Variants in CCDC149 observed in about 807,000 individuals in gnomAD.
CCDC149 encodes the protein coiled-coil domain containing 149, also known as coiled-coil domain-containing protein 149.
Under a neutral mutation model 59.9 loss-of-function variants are expected in CCDC149, and 45 were observed. That is an observed-to-expected ratio of 0.75 (90% CI 0.59 to 0.96). The LOEUF is 0.96. CCDC149 is among the 40% of genes least tolerant of loss of function. The probability of loss-of-function intolerance (pLI) is 0.00; values close to 1 mark genes in which losing one functional copy is unlikely to be tolerated. For synonymous variants in CCDC149, 245 were observed against 260.6 expected (o/e 0.94, Z 0.58); for missense variants, 584 against 664.7 (o/e 0.88, Z 1.33).
chr4:24,964,765 T>A (rs1577510220), intron 1 of CCDC149, among the ~76,000 whole-genome samples: 1 of 152,248 alleles, frequency 6.6e-6, no homozygotes, highest in Admixed American at 6.5e-5. Flanking sequence ...CCCAAAGAAA[T>A]TCATGCCAAA....
intron 1 of CCDC149, among the ~76,000 whole-genome samples, chr4:24,975,003 CTG>C (rs982902055): frequency 6.6e-6 from 1 of 152,166 alleles, no homozygotes; most frequent in Non-Finnish European, 1.5e-5. Flanking sequence ...GGTGATGAGG[CTG>C]TGAGGTTTCC....
At chr4:24,935,680 G>A (rs550994811) in intron 1 of CCDC149, among the ~76,000 whole-genome samples, 1 of 152,300 alleles carries the variant, frequency 6.6e-6, no homozygotes, top group East Asian at 1.9e-4. Context: ...GGCATTGCCT[G>A]TGGATTTCCA....
chr4:24,898,316 A>C (rs540750809), intron 1 of CCDC149, among the ~76,000 whole-genome samples: 1 of 152,296 alleles, frequency 6.6e-6, no homozygotes, highest in Admixed American at 6.5e-5. Context: ...CTCACTGTAC[A>C]AAGTCCAGAG....
intron 12 of CCDC149, among the ~76,000 whole-genome samples, chr4:24,813,528 A>ATATATATATATATAT (rs1560197749): frequency 3.9e-5 from 5 of 129,848 alleles, no homozygotes; most frequent in South Asian, 2.5e-4. Flanking sequence ...ATATATATAT[A>ATATATATATATATAT]AAACCTAAAA....
intron 1 of CCDC149, among the ~76,000 whole-genome samples, chr4:24,971,574 C>G (rs1334449046): frequency 6.6e-6 from 1 of 152,208 alleles, no homozygotes; most frequent in Non-Finnish European, 1.5e-5. Flanking sequence ...GCTGTACGTT[C>G]GGCTCGCTCC....
intron 1 of CCDC149, among the ~76,000 whole-genome samples, chr4:24,977,254 A>G (rs1724244065): frequency 6.6e-6 from 1 of 152,070 alleles, no homozygotes; most frequent in Admixed American, 6.6e-5. Context: ...GGAAAGAGGT[A>G]TTCTTTTTCC....
chr4:24,808,935 G>T, intron 12 of CCDC149, 116 bp from the exon 13 acceptor site: 3 of 1,008,070 alleles, frequency 3.0e-6, no homozygotes, highest in South Asian at 1.7e-5. Context: ...AAAGGAGCAA[G>T]ACTTTTTTGG....
chr4:24,885,623 T>G (rs569358361), intron 1 of CCDC149, among the ~76,000 whole-genome samples: 2 of 152,180 alleles, frequency 1.3e-5, no homozygotes, highest in African/African-American at 4.8e-5. Flanking sequence ...AAGGGCCAAG[T>G]TGAGCAAGGA....
In CCDC149 at chr4:24,836,319, T is replaced by C. The variant is rs1211085047; in HGVS notation, c.735+117A>G. 2.9e-5 allele frequency: 21 copies of C among 726,000 alleles called. No homozygotes were observed. In the Admixed American group the frequency reaches 4.6e-4, roughly 16 times the overall value. The allele number at this position is 726,000 out of a possible 1,614,324, so 45.0% of individuals were successfully genotyped here. On this transcript the variant is annotated intron_variant, in intron 7 of 12. Coordinates refer to ENST00000635206, the MANE Select transcript of CCDC149 (RefSeq NM_001330643.2). ...CCCAGTTAAAGCTCTTATTAGACTC[T>C]ATCTGGGAGGGCAGGCAAGTACTAA...
intron 2 of CCDC149, 33 bp from the exon 3 acceptor site, chr4:24,873,752 T>C: frequency 1.9e-6 from 3 of 1,554,326 alleles, no homozygotes; most frequent in Non-Finnish European, 2.7e-6. Context: ...TTTTACTCTT[T>C]TAGAAAAATA....
chr4:24,891,893 G>A (rs1225589952), intron 1 of CCDC149, among the ~76,000 whole-genome samples: 1 of 152,054 alleles, frequency 6.6e-6, no homozygotes, highest in Non-Finnish European at 1.5e-5. Context: ...CAGCTACTTG[G>A]GAGGCTGAGG....
intron 1 of CCDC149, among the ~76,000 whole-genome samples, chr4:24,944,514 C>A (rs1483246171): frequency 6.7e-6 from 1 of 150,344 alleles, no homozygotes; most frequent in South Asian, 2.1e-4. Flanking sequence ...CAAACCTGCA[C>A]GTTGTGCACA....
intron 1 of CCDC149, among the ~76,000 whole-genome samples, chr4:24,890,247 AG>A (rs1361655701): frequency 6.6e-6 from 1 of 152,228 alleles, no homozygotes; most frequent in Non-Finnish European, 1.5e-5. Flanking sequence ...CAGTCCTAAC[AG>A]ATGATTCAGC....
At chr4:24,832,086 C>T (rs73101594) in intron 8 of CCDC149, among the ~76,000 whole-genome samples, 2,255 of 152,264 alleles carry the variant, frequency 0.015, 56 homozygotes, top group African/African-American at 0.051. Flanking sequence ...CCTTGCTTTA[C>T]GTCAGTTTCC....
chr4:24,853,651 T>A (rs891502538), intron 3 of CCDC149, among the ~76,000 whole-genome samples: 20 of 148,808 alleles, frequency 1.3e-4, no homozygotes, highest in Non-Finnish European at 2.5e-4. Context: ...AAAAAGGACA[T>A]AGAGTTCAAT....
chr4:24,840,807 A>G (rs1340132643), intron 4 of CCDC149, among the ~76,000 whole-genome samples: 1 of 152,204 alleles, frequency 6.6e-6, no homozygotes, highest in East Asian at 1.9e-4. Context: ...TTCAATGTTC[A>G]TGAATTAACT....
chr4:24,822,452 A>C (rs754742851), intron 10 of CCDC149, 45 bp downstream of exon 10: 5 of 1,323,862 alleles, frequency 3.8e-6, no homozygotes, highest in Non-Finnish European at 4.1e-6. Flanking sequence ...TCTTAAAAAA[A>C]AGAAAAAAAA....
intron 1 of CCDC149, among the ~76,000 whole-genome samples, chr4:24,911,816 G>A (rs767266860): frequency 6.6e-6 from 1 of 152,234 alleles, no homozygotes; most frequent in Admixed American, 6.5e-5. Context: ...GAGTGAGGGA[G>A]TAGAGGGTTT....
At chr4:24,971,911 A>C (rs1457780205) in intron 1 of CCDC149, among the ~76,000 whole-genome samples, 3 of 152,220 alleles carry the variant, frequency 2.0e-5, no homozygotes, top group Non-Finnish European at 1.5e-5. Flanking sequence ...CATAATCCAG[A>C]CATTTCTTTC....
Sources: allele counts gnomAD v4.1 joint callset (sites outside exome capture counted in the v4.1 genomes callset), GRCh38; gene constraint gnomAD v4.1.1; transcripts MANE v1.5; gene names NCBI Gene and HGNC (gene_info 2026-07-23, HGNC 2026-07-21).